Variants in CCDC7 observed in about 807,000 individuals in gnomAD.
CCDC7 encodes the protein coiled-coil domain-containing protein 7.
In CCDC7, 183 loss-of-function variants were observed where a neutral mutation model predicts 196.9. That is an observed-to-expected ratio of 0.93 (90% CI 0.82 to 1.05). CCDC7 has a LOEUF of 1.05. Ranked by LOEUF, CCDC7 falls within the 50% of genes least tolerant of loss-of-function variation. The probability of loss-of-function intolerance (pLI) is 0.00; values close to 1 mark genes in which losing one functional copy is unlikely to be tolerated. For synonymous variants in CCDC7, 525 were observed against 484.6 expected, an observed-to-expected ratio of 1.08 and a Z score of -1.10; for missense variants, 1,540 against 1,482.2, an observed-to-expected ratio of 1.04 and a Z score of -0.64.
intron 20 of CCDC7, among the ~76,000 whole-genome samples, chr10:32,639,287 G>A (rs572629318): frequency 7.9e-5 from 12 of 152,208 alleles, no homozygotes; most frequent in African/African-American, 2.9e-4. Flanking sequence ...TTTTGAATGT[G>A]TTTGCTGTTG....
In CCDC7 at chr10:32,685,964, A is replaced by C; in HGVS notation, c.2123-6A>C. 6.7e-7 allele frequency: 1 copy of C among 1,495,238 alleles called. No individual in the cohort carries two copies. Among genetic ancestry groups the C allele is most frequent in the Non-Finnish European group, 9.1e-7 (1 of 1,099,708 alleles). The allele number at this position is 1,495,238 out of a possible 1,614,324, so 92.6% of individuals were successfully genotyped here. A position where few individuals can be genotyped will look rare whatever the true frequency, so the allele number is the denominator to read the frequency against. On this transcript the variant is annotated splice_region_variant and splice_polypyrimidine_tract_variant and intron_variant, in intron 21 of 41. Coordinates refer to ENST00000639629, the Ensembl canonical transcript of CCDC7. ...TTAGTGGAATAAATGTATTTTCTTT[A>C]TGTAGCTCATAATGAAGTACCAAAT...
At chr10:32,811,190 C>A (rs761540849) in intron 30 of CCDC7, among the ~76,000 whole-genome samples, 8 of 151,756 alleles carry the variant, frequency 5.3e-5, no homozygotes, top group Non-Finnish European at 1.2e-4. Context: ...GAAATAGATA[C>A]TTAAGCAAAG....
At chr10:32,870,881 A>G (rs948154519) in intron 41 of CCDC7, among the ~76,000 whole-genome samples, 1 of 152,128 alleles carries the variant, frequency 6.6e-6, no homozygotes, top group African/African-American at 2.4e-5. Context: ...TGTTCTGTTT[A>G]TATGCTGGAT....
Position 32,828,485 on chromosome 10 carries a change from G to GGAAGAAGAA in CCDC7, c.3268+3948_3268+3956dup, listed in dbSNP as rs68150303. ...AAGAAGAGGAAGAGGAAGAGGAAGA[G>GGAAGAAGAA]GAAGAAGAAGAAGAAGAAGAAGAAG... On this transcript the variant is annotated intron_variant, in intron 32 of 41. Transcript: ENST00000639629. Among the ~76,000 whole-genome samples the GGAAGAAGAA allele has an allele frequency of 8.6e-3, 428 of 49,702 alleles. 23 individuals are homozygous for GGAAGAAGAA. The highest frequency in any genetic ancestry group is 0.017 in the African/African-American group (268 of 15,994). 32.6% of individuals were successfully genotyped at this position (49,702 alleles called of 152,430 possible). A position where few individuals can be genotyped will look rare whatever the true frequency, so the allele number is the denominator to read the frequency against.
Position 32,693,954 on chromosome 10 carries a change from G to GTGAA in CCDC7, c.2345-911_2345-908dup, listed in dbSNP as rs540039554. Among the ~76,000 whole-genome samples, 11 of 152,250 alleles carry GTGAA rather than the reference G, an allele frequency of 7.2e-5. No homozygotes were observed. The South Asian group carries it at 8.3e-4, about 11-fold the overall frequency. On this transcript the variant is annotated intron_variant, in intron 23 of 41. Coordinates refer to ENST00000639629, the Ensembl canonical transcript of CCDC7. Reference sequence around the variant, plus strand: ...CTGGGATAAGTAGGCTGCAAAACATGTGAATGAATGAATGAATACAAGTTA... The same window carrying GTGAA: ...CTGGGATAAGTAGGCTGCAAAACATGTGAATGAATGAATGAATGAATACAAGTTA...
intron 3 of CCDC7, among the ~76,000 whole-genome samples, chr10:32,460,173 G>A (rs1214306748): frequency 6.6e-6 from 1 of 151,900 alleles, no homozygotes; most frequent in Admixed American, 6.6e-5. Flanking sequence ...ATAAAGAGAG[G>A]GGCAAGAGAA....
chr10:32,777,438 T>G (rs2080254821), intron 28 of CCDC7, among the ~76,000 whole-genome samples: 1 of 152,208 alleles, frequency 6.6e-6, no homozygotes, highest in Non-Finnish European at 1.5e-5. Flanking sequence ...CAACTCTTGG[T>G]TCTTTGAGAA....
chr10:32,491,974 A>C lies in CCDC7; in HGVS notation c.849A>C (p.Glu283Asp), dbSNP rs73251552. 8.5e-3 allele frequency: 13,363 copies of C among 1,580,240 alleles called. 938 individuals are homozygous for C. In the African/African-American group the frequency reaches 0.16, roughly 18 times the overall value. The change falls in exon 9 of 42, where the codon GAA becomes GAC. Residue 283 changes from glutamate to aspartate, a missense_variant. By Grantham distance (45) the Glu-to-Asp change is conservative. Transcript: ENST00000639629. ...TTAATGCCATGTTGAAAGTATTTGA[A>C]AACCAGGCAAATATGTTGGAGAGGT...
chr10:32,626,272 G>T (rs749744969), intron 18 of CCDC7, among the ~76,000 whole-genome samples: 1 of 151,982 alleles, frequency 6.6e-6, no homozygotes, highest in Non-Finnish European at 1.5e-5. Context: ...CCGATGTGAG[G>T]TGACATATCA....
intron 18 of CCDC7, among the ~76,000 whole-genome samples, chr10:32,595,858 T>G (rs1184873945): frequency 6.6e-6 from 1 of 152,184 alleles, no homozygotes; most frequent in African/African-American, 2.4e-5. Flanking sequence ...TGGTTTTGAG[T>G]GAGTTGCTTA....
chr10:32,777,725 ATGGTGG>A (rs2080321490), intron 28 of CCDC7, among the ~76,000 whole-genome samples: 1 of 152,016 alleles, frequency 6.6e-6, no homozygotes, highest in Non-Finnish European at 1.5e-5. Context: ...TTAGCCAGGT[ATGGTGG>A]CATGCGCCTG....
chr10:32,645,762 T>G (rs1412640720), intron 20 of CCDC7, among the ~76,000 whole-genome samples: 1 of 152,084 alleles, frequency 6.6e-6, no homozygotes, highest in Non-Finnish European at 1.5e-5. Context: ...TGATGCAATC[T>G]TGGTAACTTG....
chr10:32,865,774 G>T (rs1351588290), intron 41 of CCDC7, among the ~76,000 whole-genome samples: 1 of 151,690 alleles, frequency 6.6e-6, no homozygotes, highest in African/African-American at 2.4e-5. Flanking sequence ...TCATATGTTT[G>T]GTTTTCATCA....
intron 28 of CCDC7, among the ~76,000 whole-genome samples, chr10:32,755,612 C>A (rs936269656): frequency 2.0e-5 from 3 of 152,102 alleles, no homozygotes; most frequent in Non-Finnish European, 4.4e-5. Context: ...TCACCAACAT[C>A]AAAGACCAAA....
intron 31 of CCDC7, among the ~76,000 whole-genome samples, chr10:32,819,651 G>T (rs941530128): frequency 2.0e-5 from 3 of 152,208 alleles, no homozygotes; most frequent in Non-Finnish European, 4.4e-5. Flanking sequence ...GGGATGCAAA[G>T]CTGGTTCAAA....
At chr10:32,487,845 A>T (rs1393250235) in intron 8 of CCDC7, among the ~76,000 whole-genome samples, 1 of 152,144 alleles carries the variant, frequency 6.6e-6, no homozygotes, top group Non-Finnish European at 1.5e-5. Flanking sequence ...TTCCTCTGGA[A>T]GTTTTGTCTC....
Position 32,805,042 on chromosome 10 carries a change from CT to C in CCDC7, c.3044del (p.Leu1015TrpfsTer6). 1 of 1,612,050 alleles carries C rather than the reference CT, an allele frequency of 6.2e-7. No homozygotes were observed. Among genetic ancestry groups the C allele is most frequent in the Non-Finnish European group, 8.5e-7 (1 of 1,178,366 alleles). Reference sequence around the variant, plus strand: ...ACTGATATAGAAAGCTTGAGAGGTGCTTTGGGAAGACGCTTATTAAATGATG... The same window carrying C: ...ACTGATATAGAAAGCTTGAGAGGTGCTTGGGAAGACGCTTATTAAATGATG... On this transcript the variant is annotated frameshift_variant, in exon 30 of 42. Coordinates refer to ENST00000639629, the Ensembl canonical transcript of CCDC7. LOFTEE classifies it high-confidence loss of function.
At chr10:32,758,528 G>T (rs923143907) in intron 28 of CCDC7, among the ~76,000 whole-genome samples, 1 of 152,066 alleles carries the variant, frequency 6.6e-6, no homozygotes. Context: ...TATGGAAAAG[G>T]CCTTTGACAA....
intron 18 of CCDC7, among the ~76,000 whole-genome samples, chr10:32,595,058 C>T (rs758804065): frequency 1.8e-4 from 28 of 152,080 alleles, no homozygotes; most frequent in Admixed American, 1.3e-4. Context: ...ATGATGTTGG[C>T]CTCATAAAAT....
Sources: allele counts gnomAD v4.1 joint callset (sites outside exome capture counted in the v4.1 genomes callset), GRCh38; gene constraint gnomAD v4.1.1; transcripts MANE v1.5; gene names NCBI Gene and HGNC (gene_info 2026-07-23, HGNC 2026-07-21).